Variants in PKHD1 observed in about 807,000 individuals in gnomAD.
PKHD1 encodes PKHD1 ciliary IPT domain containing fibrocystin/polyductin, also known as fibrocystin.
PKHD1 carries 291 observed loss-of-function variants against 412.0 expected under a neutral mutation model. The ratio of observed to expected loss-of-function variants is 0.71; its 90% CI spans 0.64 to 0.78. The LOEUF is 0.78. PKHD1 is among the 30% of genes least tolerant of loss of function. The pLI is 0.00. For missense variants in PKHD1, 4,825 were observed against 4,950.7 expected, an observed-to-expected ratio of 0.97 and a Z score of 0.76; for synonymous variants, 1,777 against 1,821.5, an observed-to-expected ratio of 0.98 and a Z score of 0.62.
chr6:52,055,743 A>G lies in PKHD1; in HGVS notation c.1694-14T>C. 2.5e-6 allele frequency: 4 copies of G among 1,613,556 alleles called. No individual in the cohort carries two copies. The highest frequency in any genetic ancestry group is 3.4e-6 in the Non-Finnish European group (4 of 1,179,636). On this transcript the variant is annotated splice_polypyrimidine_tract_variant and intron_variant, in intron 18 of 66. Coordinates refer to ENST00000371117, the MANE Select transcript of PKHD1 (RefSeq NM_138694.4). ...AAACTTCTGGGCCTGGATGCAGTTC[A>G]GATAAAATAGAAAGGCAGGCATAGA...
chr6:52,064,326 T>C (rs1225344641), intron 13 of PKHD1, among the ~76,000 whole-genome samples: 1 of 152,202 alleles, frequency 6.6e-6, no homozygotes, highest in Non-Finnish European at 1.5e-5. Flanking sequence ...AGCAGAAAAG[T>C]GCTCCAGTAT....
chr6:52,080,994 G>C (rs1163013573), intron 4 of PKHD1, among the ~76,000 whole-genome samples: 1 of 152,098 alleles, frequency 6.6e-6, no homozygotes, highest in Non-Finnish European at 1.5e-5. Context: ...CTGTTTTAGA[G>C]AAAACAATTA....
chr6:51,726,852 C>T (rs1256383375), intron 60 of PKHD1, among the ~76,000 whole-genome samples: 1 of 152,098 alleles, frequency 6.6e-6, no homozygotes, highest in African/African-American at 2.4e-5. Flanking sequence ...TGCTTATGCC[C>T]TAATCCTGAT....
chr6:52,074,373 T>C (rs575701460), intron 6 of PKHD1, among the ~76,000 whole-genome samples: 12 of 152,306 alleles, frequency 7.9e-5, no homozygotes, highest in Middle Eastern at 3.4e-3. Context: ...CACAATTTTA[T>C]AGGTGCATGG....
chr6:51,982,150 T>C (rs1405492948), intron 35 of PKHD1, among the ~76,000 whole-genome samples: 4 of 44,388 alleles, frequency 9.0e-5, no homozygotes, highest in Admixed American at 3.1e-4. Flanking sequence ...GTGAGGAGCG[T>C]CTCCGCCCGG....
At chr6:52,061,202 T>C (rs1808616430) in intron 14 of PKHD1, among the ~76,000 whole-genome samples, 1 of 152,186 alleles carries the variant, frequency 6.6e-6, no homozygotes, top group South Asian at 2.1e-4. Flanking sequence ...ATTTGTTTCT[T>C]TGTTTAAAGA....
At chr6:51,676,464 T>C (rs1775871257) in intron 60 of PKHD1, among the ~76,000 whole-genome samples, 1 of 152,142 alleles carries the variant, frequency 6.6e-6, no homozygotes, top group African/African-American at 2.4e-5. Context: ...CTCAATAATT[T>C]TTTTAGCCAT....
In PKHD1 at chr6:52,025,953, A is replaced by G; in HGVS notation, c.3857T>C (p.Leu1286Ser). Residue 1286 changes from leucine (L) to serine (S), a missense_variant, in exon 32 of 67, where the codon TTG becomes TCG. Leu to Ser is a moderately radical substitution (Grantham distance 145). Coordinates refer to ENST00000371117, the MANE Select transcript of PKHD1 (RefSeq NM_138694.4). Reference protein sequence around the residue: ...RFFARGPSPSLVGKGFTFMYE... With the variant: ...RFFARGPSPSSVGKGFTFMYE... ...CATGAAGGTGAAGCCTTTCCCCACC[A>G]AGCTTGGTGAAGGACCACGGGCGAA... is the stretch of plus-strand genomic sequence containing the variant. 1 of 1,614,024 alleles carries G rather than the reference A, an allele frequency of 6.2e-7. No homozygotes were observed. The highest frequency in any genetic ancestry group is 8.5e-7 in the Non-Finnish European group (1 of 1,180,010).
At position 52,035,661 on chromosome 6, in the gene PKHD1, C is replaced by T; in HGVS notation, c.3158G>A (p.Gly1053Glu). 5 of 1,613,904 alleles carry T rather than the reference C, an allele frequency of 3.1e-6. No individual in the cohort carries two copies. Among genetic ancestry groups the T allele is most frequent in the Non-Finnish European group, 4.2e-6 (5 of 1,179,858 alleles). ...GACATTGATGGCACACGAGTAAGAT[C>T]CAAATAATATCAGGCTAACACCTTC... ...SLEGVSLILF[G>E]SYSCAINVAT... Residue 1053 changes from glycine to glutamate, a missense_variant, in exon 28 of 67, where the codon GGA (glycine) becomes GAA (glutamate). Gly to Glu is a moderately conservative substitution (Grantham distance 98, BLOSUM62 -2). Transcript: ENST00000371117.
chr6:52,014,190 C>T (rs1029965491), intron 34 of PKHD1, among the ~76,000 whole-genome samples: 1 of 152,212 alleles, frequency 6.6e-6, no homozygotes, highest in Non-Finnish European at 1.5e-5. Context: ...AGTCATAAAA[C>T]TCGACAGTTC....
intron 43 of PKHD1, among the ~76,000 whole-genome samples, chr6:51,889,895 C>T (rs991014085): frequency 6.6e-6 from 1 of 152,188 alleles, no homozygotes; most frequent in Admixed American, 6.5e-5. Context: ...CTGCTGAAAA[C>T]TGAAGGAGGA....
chr6:51,958,367 A>C (rs1187539240), intron 36 of PKHD1, among the ~76,000 whole-genome samples: 1 of 152,064 alleles, frequency 6.6e-6, no homozygotes, highest in Non-Finnish European at 1.5e-5. Context: ...AAAAACCACT[A>C]TTGGAGGTTG....
At chr6:51,680,061 A>C (rs79551221) in intron 60 of PKHD1, among the ~76,000 whole-genome samples, 1 of 152,112 alleles carries the variant, frequency 6.6e-6, no homozygotes, top group East Asian at 1.9e-4. Context: ...CTACGGTATC[A>C]AGCTCCTAAG....
chr6:51,775,379 A>G (rs978831659), intron 54 of PKHD1, among the ~76,000 whole-genome samples: 1 of 151,908 alleles, frequency 6.6e-6, no homozygotes, highest in Non-Finnish European at 1.5e-5. Flanking sequence ...ACATAGACCA[A>G]TTTAAAATAG....
At chr6:51,789,931 A>G (rs1468045572) in intron 53 of PKHD1, among the ~76,000 whole-genome samples, 6 of 152,176 alleles carry the variant, frequency 3.9e-5, no homozygotes, top group Non-Finnish European at 8.8e-5. Context: ...TAATAGAACA[A>G]AAAGAATTCT....
At chr6:51,678,657 G>C (rs886259990) in intron 60 of PKHD1, among the ~76,000 whole-genome samples, 5 of 152,028 alleles carry the variant, frequency 3.3e-5, no homozygotes, top group African/African-American at 1.2e-4. Context: ...TCTATGAATA[G>C]AGCACCTATA....
Position 52,022,869 on chromosome 6 carries a change from C to T in PKHD1, c.5312G>A (p.Gly1771Asp). 2 of 1,614,102 alleles carry T rather than the reference C, an allele frequency of 1.2e-6. No individual in the cohort carries two copies. Among genetic ancestry groups the T allele is most frequent in the Non-Finnish European group, 1.7e-6 (2 of 1,180,024 alleles). The stretch of plus-strand genomic sequence containing the variant: ...ATTAGCCAGGACTCGGCAGGGAGCA[C>T]CACACACAGCAGCTGAGACATTCCC... ...SPGNVSAAVC[G>D]APCRVLANAT... Residue 1771 changes from glycine to aspartate, a missense_variant, in exon 33 of 67, where the codon GGT becomes GAT. Gly to Asp is a moderately conservative substitution (Grantham distance 94). Coordinates refer to ENST00000371117, the MANE Select transcript of PKHD1 (RefSeq NM_138694.4).
chr6:51,802,457 C>T (rs1763074904), intron 52 of PKHD1, among the ~76,000 whole-genome samples: 1 of 151,440 alleles, frequency 6.6e-6, no homozygotes, highest in African/African-American at 2.5e-5. Context: ...GTGAATAATG[C>T]TTAATATGTG....
chr6:51,944,360 G>A (rs1356512572), intron 36 of PKHD1, among the ~76,000 whole-genome samples: 2 of 152,298 alleles, frequency 1.3e-5, no homozygotes, highest in Non-Finnish European at 2.9e-5. Context: ...CTGCACCCAG[G>A]TGAAATAAAC....
Sources: allele counts gnomAD v4.1 joint callset (sites outside exome capture counted in the v4.1 genomes callset), GRCh38; gene constraint gnomAD v4.1.1; transcripts MANE v1.5; gene names NCBI Gene and HGNC (gene_info 2026-07-23, HGNC 2026-07-21).